TALDO1: variants seen among roughly 807,000 people sequenced by gnomAD.
The protein encoded by TALDO1 is transaldolase 1.
TALDO1 carries 29 observed loss-of-function variants against 38.1 expected under a neutral mutation model. That is an observed-to-expected ratio of 0.76 (90% CI 0.57 to 1.04). TALDO1 has a LOEUF of 1.04. TALDO1 is among the 50% of genes least tolerant of loss of function. The pLI is 0.00. For missense variants in TALDO1, 499 were observed against 438.1 expected (o/e 1.14, Z -1.24); for synonymous variants, 207 against 176.8 (o/e 1.17, Z -1.36).
At chr11:756,165 A>C in intron 2 of TALDO1, 163 bp downstream of exon 2, 1 of 1,038,738 alleles carries the variant, frequency 9.6e-7, no homozygotes, top group Non-Finnish European at 1.4e-6. Flanking sequence ...TGTAATCTGC[A>C]TGAAGTAACC....
chr11:756,138 A>G (rs768093251), intron 2 of TALDO1, 136 bp downstream of exon 2: 47 of 1,309,522 alleles, frequency 3.6e-5, no homozygotes, highest in Non-Finnish European at 4.6e-5. Flanking sequence ...CTTTTTGCCT[A>G]TTTTTGTTTA....
At chr11:752,942 G>C (rs1473006829) in intron 1 of TALDO1, among the ~76,000 whole-genome samples, 3 of 152,180 alleles carry the variant, frequency 2.0e-5, no homozygotes, top group Non-Finnish European at 4.4e-5. Flanking sequence ...GCTGTCTCCA[G>C]GTAGACAGGG....
intron 1 of TALDO1, among the ~76,000 whole-genome samples, chr11:749,723 T>C (rs564119040): frequency 1.3e-5 from 2 of 152,342 alleles, no homozygotes; most frequent in South Asian, 4.1e-4. Context: ...TGTTTTAATT[T>C]TGTAAAAGCC....
intron 1 of TALDO1, among the ~76,000 whole-genome samples, chr11:753,254 G>A (rs562430496): frequency 9.9e-5 from 15 of 151,930 alleles, no homozygotes; most frequent in Non-Finnish European, 1.9e-4. Context: ...AAAAAAGGCC[G>A]GGTGTGGTGG....
In TALDO1 at chr11:764,426, T is replaced by C. The variant is rs767689617; in HGVS notation, c.974T>C (p.Met325Thr). 1 of 1,614,154 alleles carries C rather than the reference T, an allele frequency of 6.2e-7. No homozygotes were observed. Among genetic ancestry groups the C allele is most frequent in the South Asian group, 1.1e-5 (1 of 91,064 alleles). Residue 325 changes from methionine (M) to threonine (T), a missense_variant, in exon 7 of 8, where the codon ATG (methionine) becomes ACG (threonine). By Grantham distance (81) the Met-to-Thr change is moderately conservative. Transcript: ENST00000319006. ...FAADAVKLERMLTERMFNAEN... is the reference protein window; with the variant it reads ...FAADAVKLERTLTERMFNAEN... ...GCTGATGCAGTGAAGCTGGAGCGGA[T>C]GCTGACAGTGAGTGTTGTGTGTGGG...
chr11:750,079 T>C (rs1862724753), intron 1 of TALDO1, among the ~76,000 whole-genome samples: 1 of 152,146 alleles, frequency 6.6e-6, no homozygotes, highest in Admixed American at 6.5e-5. Flanking sequence ...GGCTCCCCAG[T>C]TTCCCCCTGC....
chr11:754,147 G>A (rs1370264732), intron 1 of TALDO1, among the ~76,000 whole-genome samples: 1 of 151,822 alleles, frequency 6.6e-6, no homozygotes, highest in Non-Finnish European at 1.5e-5. Context: ...ACCACGCCTG[G>A]CTAATTTTTA....
Position 763,466 on chromosome 11 carries a change from A to C in TALDO1, c.584A>C (p.Asp195Ala). ...LISPFVGRIL[D>A]WHVANTDKKS... The stretch of plus-strand genomic sequence containing the variant: ...TCCCCATTTGTTGGGCGCATCCTTG[A>C]TTGGCATGTGGCAAACACCGACAAG... The change falls in exon 5 of 8, where the codon GAT becomes GCT. Residue 195 changes from aspartate (D) to alanine (A), a missense_variant. By Grantham distance (126) the Asp-to-Ala change is moderately radical. Coordinates refer to ENST00000319006, the MANE Select transcript of TALDO1 (RefSeq NM_006755.2). 1 of 1,613,164 alleles carries C rather than the reference A, an allele frequency of 6.2e-7. No homozygotes were observed. Among genetic ancestry groups the C allele is most frequent in the Non-Finnish European group, 8.5e-7 (1 of 1,179,780 alleles).
intron 2 of TALDO1, among the ~76,000 whole-genome samples, chr11:758,696 C>T (rs571396228): frequency 3.7e-4 from 57 of 152,004 alleles, no homozygotes; most frequent in Non-Finnish European, 6.6e-4. Context: ...GCTCCACCTC[C>T]CAGGTTCACG....
chr11:750,023 C>T (rs967166087), intron 1 of TALDO1, among the ~76,000 whole-genome samples: 45 of 152,190 alleles, frequency 3.0e-4, no homozygotes, highest in African/African-American at 1.0e-3. Context: ...GGGAAGTGGG[C>T]ACTGCTGTGG....
At chr11:760,381 A>G in intron 4 of TALDO1, 128 bp downstream of exon 4, 1 of 1,429,536 alleles carries the variant, frequency 7.0e-7, no homozygotes. Flanking sequence ...CACAGCCCAC[A>G]GCTTGGACTT....
At chr11:762,726 C>A (rs749969187) in intron 4 of TALDO1, among the ~76,000 whole-genome samples, 1 of 152,272 alleles carries the variant, frequency 6.6e-6, no homozygotes, top group Non-Finnish European at 1.5e-5. Flanking sequence ...GGGCACTGCT[C>A]CGTCCTTGGG....
chr11:759,163 C>G, intron 3 of TALDO1, 106 bp downstream of exon 3: 1 of 935,980 alleles, frequency 1.1e-6, no homozygotes, highest in Non-Finnish European at 1.7e-6. Flanking sequence ...GGTCTTCATC[C>G]CAAGGGCCCA....
intron 5 of TALDO1, 46 bp from the exon 6 acceptor site, chr11:763,701 G>A (rs1432703053): frequency 6.2e-7 from 1 of 1,603,448 alleles, no homozygotes; most frequent in Non-Finnish European, 8.5e-7. Context: ...AGGTGGGGTG[G>A]TACCTCTGCC....
At chr11:756,804 C>T (rs1326533467) in intron 2 of TALDO1, among the ~76,000 whole-genome samples, 8 of 152,150 alleles carry the variant, frequency 5.3e-5, no homozygotes, top group Admixed American at 5.2e-4. Flanking sequence ...AGACGTGAGC[C>T]ACCGTGCCTG....
intron 2 of TALDO1, among the ~76,000 whole-genome samples, chr11:757,524 G>A (rs1475998805): frequency 6.6e-6 from 1 of 152,058 alleles, no homozygotes; most frequent in Non-Finnish European, 1.5e-5. Context: ...GAACTCCTGA[G>A]CTTGAGCAGT....
chr11:759,145 C>T lies in TALDO1; in HGVS notation c.329+88C>T, dbSNP rs1361773430. 1.1e-5 allele frequency: 13 copies of T among 1,140,858 alleles called. No individual in the cohort carries two copies. In the East Asian group the frequency reaches 2.4e-4, roughly 21 times the overall value. The allele number at this position is 1,140,858 out of a possible 1,614,324, so 70.7% of individuals were successfully genotyped here. ...GCCAACATGAGGTCAAGGGGCTGCT[C>T]CACCCATGGTCTTCATCCCAAGGGC... On this transcript the variant is annotated intron_variant, in intron 3 of 7. Transcript: ENST00000319006.
At chr11:756,197 G>A in intron 2 of TALDO1, 195 bp downstream of exon 2, 1 of 782,454 alleles carries the variant, frequency 1.3e-6, no homozygotes, top group Non-Finnish European at 2.0e-6. Context: ...TAAATGAGCA[G>A]TTCAGAGAGT....
intron 4 of TALDO1, among the ~76,000 whole-genome samples, chr11:762,933 G>A (rs1462036959): frequency 2.6e-5 from 4 of 152,196 alleles, no homozygotes; most frequent in Non-Finnish European, 4.4e-5. Context: ...GCTGAGCCCT[G>A]GTGAGTTCTG....
Sources: gnomAD v4.1 joint callset for allele counts (sites outside exome capture counted in the v4.1 genomes callset) on GRCh38, gnomAD v4.1.1 for gene constraint, MANE v1.5 for transcripts, NCBI Gene and HGNC (gene_info 2026-07-23, HGNC 2026-07-21) for gene names.